TMPRSS11D: variants seen among roughly 807,000 people sequenced by gnomAD.
TMPRSS11D encodes transmembrane protease serine 11D.
TMPRSS11D carries 32 observed loss-of-function variants against 44.4 expected under a neutral mutation model. The ratio of observed to expected loss-of-function variants is 0.72; its 90% CI spans 0.54 to 0.97. TMPRSS11D has a LOEUF of 0.97. Among genes scored for constraint, TMPRSS11D ranks in the 50% least tolerant of loss-of-function variants. The pLI is 0.00. For missense variants in TMPRSS11D, 446 were observed against 502.6 expected (o/e 0.89, Z 1.08); for synonymous variants, 179 against 177.9 (o/e 1.01, Z -0.05).
At chr4:67,859,777 C>G in intron 1 of TMPRSS11D, 99 bp from the exon 2 acceptor site, 1 of 1,490,596 alleles carries the variant, frequency 6.7e-7, no homozygotes, top group Non-Finnish European at 9.1e-7. Flanking sequence ...GGTCTCTTAT[C>G]TGGGACATGG....
chr4:67,874,046 C>T (rs998333438), intron 1 of TMPRSS11D, among the ~76,000 whole-genome samples: 1 of 152,104 alleles, frequency 6.6e-6, no homozygotes, highest in Admixed American at 6.5e-5. Flanking sequence ...TTTTAATGTA[C>T]CTTTTTTATA....
At chr4:67,883,257 A>G (rs78606523) in intron 1 of TMPRSS11D, among the ~76,000 whole-genome samples, 2,128 of 152,100 alleles carry the variant, frequency 0.014, 54 homozygotes, top group African/African-American at 0.049. Context: ...GCACACATAA[A>G]CATACCAAGT....
intron 9 of TMPRSS11D, among the ~76,000 whole-genome samples, chr4:67,822,866 A>G (rs532457491): frequency 6.6e-5 from 10 of 152,106 alleles, no homozygotes; most frequent in African/African-American, 2.4e-4. Flanking sequence ...GTGTCTTTAT[A>G]TCTTGTGTGT....
chr4:67,827,592 G>A, intron 7 of TMPRSS11D, 72 bp from the exon 8 acceptor site: 1 of 1,465,026 alleles, frequency 6.8e-7, no homozygotes, highest in Non-Finnish European at 9.1e-7. Context: ...ATTCATCTTA[G>A]CCATCCTGTA....
intron 2 of TMPRSS11D, among the ~76,000 whole-genome samples, chr4:67,857,642 T>C (rs974547974): frequency 6.6e-6 from 1 of 152,068 alleles, no homozygotes; most frequent in Non-Finnish European, 1.5e-5. Flanking sequence ...CTAACTCATA[T>C]GTGGGAGCTT....
At chr4:67,874,331 G>A (rs2109702681) in intron 1 of TMPRSS11D, among the ~76,000 whole-genome samples, 1 of 152,188 alleles carries the variant, frequency 6.6e-6, no homozygotes, top group East Asian at 1.9e-4. Context: ...CTAAATCAGT[G>A]AGGGATTTAG....
intron 7 of TMPRSS11D, among the ~76,000 whole-genome samples, chr4:67,831,060 G>A (rs1717932000): frequency 6.6e-6 from 1 of 152,044 alleles, no homozygotes; most frequent in Admixed American, 6.6e-5. Flanking sequence ...GAGTCTCCAG[G>A]AATAAAAATA....
chr4:67,860,757 A>G (rs1397820992), intron 1 of TMPRSS11D, among the ~76,000 whole-genome samples: 1 of 152,074 alleles, frequency 6.6e-6, no homozygotes, highest in Non-Finnish European at 1.5e-5. Flanking sequence ...GGCATATTCT[A>G]ATTTTCATAT....
In TMPRSS11D at chr4:67,847,671, A is replaced by T. The variant is rs866034366; in HGVS notation, c.250-5046T>A. ...TTCCCCTAAGGCATAAGACCAAACA[A>T]GGATGCTAGTGTCAATCCTGTTTAA... On this transcript the variant is annotated intron_variant, in intron 3 of 9. Coordinates refer to ENST00000283916, the MANE Select transcript of TMPRSS11D (RefSeq NM_004262.3). Among the ~76,000 whole-genome samples the T allele has an allele frequency of 6.7e-3, 1,017 of 152,338 alleles. 15 individuals carry two copies. The highest frequency in any genetic ancestry group is 0.023 in the African/African-American group (974 of 41,570).
chr4:67,828,131 T>C (rs190818463), intron 7 of TMPRSS11D, among the ~76,000 whole-genome samples: 26 of 152,062 alleles, frequency 1.7e-4, no homozygotes, highest in Admixed American at 9.2e-4. Context: ...AAACTATGCA[T>C]GGATTTCAAA....
At chr4:67,860,385 A>T (rs1375098281) in intron 1 of TMPRSS11D, 1 of 151,992 alleles carries the variant, frequency 6.6e-6, no homozygotes, top group Non-Finnish European at 1.5e-5. Flanking sequence ...TTCCAGTTTT[A>T]CCCTTTGTTT....
chr4:67,857,940 A>G (rs1718694629), intron 2 of TMPRSS11D, among the ~76,000 whole-genome samples: 1 of 152,026 alleles, frequency 6.6e-6, no homozygotes, highest in African/African-American at 2.4e-5. Flanking sequence ...ATCATTACAC[A>G]TTGTATACAT....
At chr4:67,881,833 G>A (rs1287575460) in intron 1 of TMPRSS11D, among the ~76,000 whole-genome samples, 3 of 152,168 alleles carry the variant, frequency 2.0e-5, no homozygotes, top group East Asian at 3.8e-4. Flanking sequence ...TTTGGTAGGA[G>A]GAGTCCTGCT....
intron 1 of TMPRSS11D, among the ~76,000 whole-genome samples, chr4:67,881,486 G>C (rs1402943175): frequency 6.6e-6 from 1 of 152,158 alleles, no homozygotes; most frequent in East Asian, 1.9e-4. Context: ...GCAACAACTT[G>C]TACTAGAAAT....
intron 1 of TMPRSS11D, among the ~76,000 whole-genome samples, chr4:67,863,802 T>C (rs1718852619): frequency 6.6e-6 from 1 of 152,110 alleles, no homozygotes; most frequent in Non-Finnish European, 1.5e-5. Flanking sequence ...AAATGGTGTA[T>C]ATACCAATGA....
intron 7 of TMPRSS11D, among the ~76,000 whole-genome samples, chr4:67,829,759 T>C (rs1717899981): frequency 1.3e-5 from 2 of 152,030 alleles, no homozygotes; most frequent in Non-Finnish European, 2.9e-5. Context: ...CTCTTAGATA[T>C]ATGAAAAGAT....
At chr4:67,860,638 A>T (rs1402430170) in intron 1 of TMPRSS11D, among the ~76,000 whole-genome samples, 2 of 152,190 alleles carry the variant, frequency 1.3e-5, no homozygotes, top group African/African-American at 2.4e-5. Context: ...TGGGTGATAT[A>T]GGTGTTTTGT....
intron 3 of TMPRSS11D, among the ~76,000 whole-genome samples, chr4:67,850,068 T>C (rs368111211): frequency 6.6e-6 from 1 of 152,208 alleles, no homozygotes; most frequent in South Asian, 2.1e-4. Flanking sequence ...CATGGAAATC[T>C]TGAAATACTA....
intron 1 of TMPRSS11D, among the ~76,000 whole-genome samples, chr4:67,866,788 A>G (rs1477737438): frequency 6.6e-6 from 1 of 152,014 alleles, no homozygotes; most frequent in Admixed American, 6.6e-5. Flanking sequence ...GAAGTAAAAG[A>G]TCTCTACAAG....
Sources: gnomAD v4.1 joint callset for allele counts (sites outside exome capture counted in the v4.1 genomes callset) on GRCh38, gnomAD v4.1.1 for gene constraint, MANE v1.5 for transcripts, NCBI Gene and HGNC (gene_info 2026-07-23, HGNC 2026-07-21) for gene names.